Variants in RBFOX1 observed in about 807,000 individuals in gnomAD.
RBFOX1 encodes the protein RNA binding protein fox-1 homolog 1.
A neutral mutation model predicts 57.7 loss-of-function variants in RBFOX1; 8 were observed. That is an observed-to-expected ratio of 0.14 (90% CI 0.08 to 0.25). The LOEUF (loss-of-function observed/expected upper bound fraction) is 0.25, where lower values mean the gene tolerates loss of function less well. Among genes scored for constraint, RBFOX1 ranks in the 10% least tolerant of loss-of-function variants. The pLI is 1.00. For synonymous variants in RBFOX1, 326 were observed against 222.4 expected, an observed-to-expected ratio of 1.47 and a Z score of -4.15; for missense variants, 611 against 548.5, an observed-to-expected ratio of 1.11 and a Z score of -1.14.
At chr16:5,725,610 T>C (rs2052119327) in intron 3 of RBFOX1, among the ~76,000 whole-genome samples, 1 of 151,300 alleles carries the variant, frequency 6.6e-6, no homozygotes, top group Non-Finnish European at 1.5e-5. Context: ...CTGTAGCCCT[T>C]CTGCTTGAGT....
At chr16:5,706,924 C>G (rs1238069904) in intron 3 of RBFOX1, among the ~76,000 whole-genome samples, 1 of 151,986 alleles carries the variant, frequency 6.6e-6, no homozygotes, top group African/African-American at 2.4e-5. Flanking sequence ...CTGTAGGTGG[C>G]CAGTATCTTA....
chr16:7,370,178 C>T (rs1026715637), intron 4 of RBFOX1, among the ~76,000 whole-genome samples: 1 of 152,170 alleles, frequency 6.6e-6, no homozygotes, highest in South Asian at 2.1e-4. Flanking sequence ...CACCCCTTCC[C>T]TCATTATGAC....
intron 5 of RBFOX1, among the ~76,000 whole-genome samples, chr16:7,521,172 A>G (rs2077435533): frequency 6.6e-6 from 1 of 152,176 alleles, no homozygotes; most frequent in Non-Finnish European, 1.5e-5. Flanking sequence ...CAGAGGGAAT[A>G]CCACAGTCAG....
rs185721218 is a variant in RBFOX1, at chr16:7,481,728, T to G, written c.28-36419T>G. Among the ~76,000 whole-genome samples the G allele has an allele frequency of 1.6e-3, 239 of 152,316 alleles. 1 individual carries two copies. Among genetic ancestry groups the G allele is most frequent in the African/African-American group, 5.6e-3 (232 of 41,576 alleles). On this transcript the variant is annotated intron_variant, in intron 4 of 15. Coordinates refer to ENST00000550418, the MANE Select transcript of RBFOX1 (RefSeq NM_018723.4). ...TCCTTGACTTAGGATGGGATCATAC[T>G]GCAATAAACCCATCATAAGTAGAAA...
chr16:7,457,483 T>C (rs530780491), intron 4 of RBFOX1, among the ~76,000 whole-genome samples: 1 of 152,344 alleles, frequency 6.6e-6, no homozygotes, highest in South Asian at 2.1e-4. Context: ...ATGCCTTGCC[T>C]TGCATTCTTC....
At chr16:7,618,234 C>T (rs903229775) in intron 10 of RBFOX1, among the ~76,000 whole-genome samples, 2 of 152,080 alleles carry the variant, frequency 1.3e-5, no homozygotes, top group African/African-American at 2.4e-5. Flanking sequence ...TTAAAAATAA[C>T]AATTATAATT....
At chr16:6,808,378 C>A (rs895511655) in intron 3 of RBFOX1, among the ~76,000 whole-genome samples, 1 of 151,954 alleles carries the variant, frequency 6.6e-6, no homozygotes, top group Non-Finnish European at 1.5e-5. Flanking sequence ...CCTTCAATGC[C>A]TAAAGTATTG....
At chr16:5,810,356 G>T (rs1472973439) in intron 3 of RBFOX1, among the ~76,000 whole-genome samples, 1 of 152,008 alleles carries the variant, frequency 6.6e-6, no homozygotes, top group Non-Finnish European at 1.5e-5. Context: ...AGAATAAGGT[G>T]GTGTCAACAG....
In RBFOX1 at chr16:5,797,555, T is replaced by G. The variant is rs968577202; in HGVS notation, c.319-69748T>G. Among the ~76,000 whole-genome samples, 30 of 152,288 alleles carry G rather than the reference T, an allele frequency of 2.0e-4. 1 individual carries two copies. The highest frequency in any genetic ancestry group is 8.3e-4 in the South Asian group (4 of 4,828). On this transcript the variant is annotated intron_variant, in intron 3 of 19. Coordinates refer to the RBFOX1 transcript ENST00000641259. ...GACCAATTATGAAGTTGACCCTTAT[T>G]TTATTCACTTCTGAGCCCAGCCCTA...
chr16:6,453,552 C>CAA (rs200058011), intron 2 of RBFOX1, among the ~76,000 whole-genome samples: 13 of 151,726 alleles, frequency 8.6e-5, no homozygotes, highest in African/African-American at 2.9e-4. Flanking sequence ...GCCTACCAAC[C>CAA]AAAAAAAAGC....
chr16:7,389,166 C>T (rs1049713278), intron 4 of RBFOX1, among the ~76,000 whole-genome samples: 6 of 152,098 alleles, frequency 3.9e-5, no homozygotes, highest in African/African-American at 1.2e-4. Context: ...CACTGTGTCA[C>T]CCAGGCTGGA....
chr16:7,111,790 C>G (rs989377762), intron 4 of RBFOX1, among the ~76,000 whole-genome samples: 1 of 151,258 alleles, frequency 6.6e-6, no homozygotes, highest in Non-Finnish European at 1.5e-5. Flanking sequence ...TCTGGCCAAT[C>G]TATTTGATTT....
intron 4 of RBFOX1, among the ~76,000 whole-genome samples, chr16:7,492,389 A>G (rs932187725): frequency 6.6e-6 from 1 of 152,162 alleles, no homozygotes; most frequent in Non-Finnish European, 1.5e-5. Flanking sequence ...CTATGTGACA[A>G]GGGATCAGAT....
At chr16:5,576,518 G>A (rs1418054572) in intron 2 of RBFOX1, among the ~76,000 whole-genome samples, 1 of 152,176 alleles carries the variant, frequency 6.6e-6, no homozygotes, top group Non-Finnish European at 1.5e-5. Context: ...TAACTGGAAA[G>A]TGATAATTTC....
intron 4 of RBFOX1, among the ~76,000 whole-genome samples, chr16:5,899,973 G>A (rs1460064988): frequency 6.6e-6 from 1 of 152,206 alleles, no homozygotes; most frequent in Non-Finnish European, 1.5e-5. Flanking sequence ...CTGGGATGGG[G>A]AGGCTGAGAT....
intron 4 of RBFOX1, among the ~76,000 whole-genome samples, chr16:7,315,195 C>T (rs2096409282): frequency 1.3e-5 from 2 of 151,590 alleles, no homozygotes; most frequent in African/African-American, 2.4e-5. Flanking sequence ...GAACTGAGAA[C>T]TGAAAACCAA....
chr16:6,713,433 G>C (rs1192616357), intron 3 of RBFOX1, among the ~76,000 whole-genome samples: 2 of 152,004 alleles, frequency 1.3e-5, no homozygotes, highest in African/African-American at 4.8e-5. Context: ...CCTTGGTATT[G>C]GGACATTTAG....
intron 4 of RBFOX1, among the ~76,000 whole-genome samples, chr16:7,068,868 C>T (rs2056735425): frequency 6.6e-6 from 1 of 152,200 alleles, no homozygotes; most frequent in South Asian, 2.1e-4. Flanking sequence ...GGGTTTCAGG[C>T]ATGAGCCACC....
At chr16:7,323,835 G>A (rs530167494) in intron 4 of RBFOX1, among the ~76,000 whole-genome samples, 48 of 152,338 alleles carry the variant, frequency 3.2e-4, no homozygotes, top group Non-Finnish European at 5.9e-4. Flanking sequence ...GAAGCCAAAA[G>A]CCTAGCACAG....
Sources: gnomAD v4.1 joint callset for allele counts (sites outside exome capture counted in the v4.1 genomes callset) on GRCh38, gnomAD v4.1.1 for gene constraint, MANE v1.5 for transcripts, NCBI Gene and HGNC (gene_info 2026-07-23, HGNC 2026-07-21) for gene names.